The following SPOCK1 variants were observed in gnomAD, a reference collection of about 807,000 sequenced individuals.
SPOCK1 encodes testican-1.
In SPOCK1, 23 loss-of-function variants were observed where a neutral mutation model predicts 55.3. That is an observed-to-expected ratio of 0.42 (90% CI 0.30 to 0.59). The LOEUF (loss-of-function observed/expected upper bound fraction) is 0.59, where lower values mean the gene tolerates loss of function less well. SPOCK1 is among the 20% of genes least tolerant of loss of function. SPOCK1 has a pLI of 0.22. For missense variants in SPOCK1, 499 were observed against 552.5 expected, an observed-to-expected ratio of 0.90 and a Z score of 0.97; for synonymous variants, 226 against 221.0, an observed-to-expected ratio of 1.02 and a Z score of -0.20.
At chr5:137,291,371 G>A (rs545233598) in intron 2 of SPOCK1, among the ~76,000 whole-genome samples, 1 of 152,292 alleles carries the variant, frequency 6.6e-6, no homozygotes, top group African/African-American at 2.4e-5. Flanking sequence ...AAAAACGTGA[G>A]GCTCAAAAGA....
At chr5:137,115,364 G>A (rs1027697632) in intron 4 of SPOCK1, among the ~76,000 whole-genome samples, 1 of 151,890 alleles carries the variant, frequency 6.6e-6, no homozygotes, top group Non-Finnish European at 1.5e-5. Flanking sequence ...CGAGAAATAT[G>A]GCAAAGTTAC....
At chr5:137,278,053 T>C (rs1757103279) in intron 2 of SPOCK1, among the ~76,000 whole-genome samples, 1 of 152,236 alleles carries the variant, frequency 6.6e-6, no homozygotes, top group Non-Finnish European at 1.5e-5. Context: ...AAACTATGGC[T>C]GCAGGCTTGG....
chr5:137,440,800 G>T (rs972016791), intron 2 of SPOCK1, among the ~76,000 whole-genome samples: 5 of 152,096 alleles, frequency 3.3e-5, no homozygotes, highest in Admixed American at 2.0e-4. Context: ...TGCTTCAAAA[G>T]CAAGTTCCAG....
At chr5:137,033,258 C>G (rs903642784) in intron 6 of SPOCK1, among the ~76,000 whole-genome samples, 1 of 152,186 alleles carries the variant, frequency 6.6e-6, no homozygotes, top group Non-Finnish European at 1.5e-5. Context: ...AGCATGGAAG[C>G]CTGGATGCTA....
chr5:137,146,310 C>T (rs1754191644), intron 3 of SPOCK1, among the ~76,000 whole-genome samples: 1 of 152,152 alleles, frequency 6.6e-6, no homozygotes, highest in East Asian at 1.9e-4. Flanking sequence ...CTGTTGAGAC[C>T]AGTAAGCAAA....
At chr5:137,062,457 G>GA (rs1328004365) in intron 6 of SPOCK1, among the ~76,000 whole-genome samples, 5 of 151,622 alleles carry the variant, frequency 3.3e-5, no homozygotes, top group Admixed American at 6.6e-5. Flanking sequence ...TGGGCTAGCT[G>GA]AAAAATCTAC....
chr5:137,436,016 GT>G (rs35804059), intron 2 of SPOCK1, among the ~76,000 whole-genome samples: 140,168 of 152,116 alleles, frequency 0.92, 65,305 homozygotes, highest in East Asian at 1. Flanking sequence ...TTAGCCGAGT[GT>G]TGGTGGCACA....
At chr5:136,980,664 C>A (rs1750710176) in intron 9 of SPOCK1, among the ~76,000 whole-genome samples, 1 of 152,284 alleles carries the variant, frequency 6.6e-6, no homozygotes, top group Non-Finnish European at 1.5e-5. Flanking sequence ...ACTGTGAGTC[C>A]ATTAAACCTC....
intron 2 of SPOCK1, among the ~76,000 whole-genome samples, chr5:137,372,481 A>G (rs1249581108): frequency 1.3e-5 from 2 of 152,220 alleles, no homozygotes; most frequent in African/African-American, 4.8e-5. Context: ...AGGCACCATC[A>G]CTAAAACTTG....
chr5:137,425,410 T>C (rs1722813013), intron 2 of SPOCK1, among the ~76,000 whole-genome samples: 1 of 151,846 alleles, frequency 6.6e-6, no homozygotes, highest in African/African-American at 2.4e-5. Context: ...CTCCACAACC[T>C]GCCCTCCAAA....
At chr5:137,398,021 T>G (rs74554368) in intron 2 of SPOCK1, among the ~76,000 whole-genome samples, 1,750 of 151,826 alleles carry the variant, frequency 0.012, 22 homozygotes, top group African/African-American at 0.04. Context: ...GATGGTAGGG[T>G]CAATCCTCGG....
rs142348880 is a variant in SPOCK1, at chr5:137,287,073, C to A, written c.187-20018G>T. Among the ~76,000 whole-genome samples, 45 of 152,250 alleles carry A rather than the reference C, an allele frequency of 3.0e-4. No homozygotes were observed. In the East Asian group the frequency reaches 7.7e-3, roughly 26 times the overall value. On this transcript the variant is annotated intron_variant, in intron 2 of 10. Coordinates refer to ENST00000394945, the MANE Select transcript of SPOCK1 (RefSeq NM_004598.4). ...TAACCTGGAAGAAAAATAGGTGGCACCCAGGGTCACACTGCTTTTCAGTTG... is the reference window on the plus strand; with the variant it reads ...TAACCTGGAAGAAAAATAGGTGGCAACCAGGGTCACACTGCTTTTCAGTTG...
chr5:137,003,513 T>C (rs1372264525), intron 6 of SPOCK1, among the ~76,000 whole-genome samples: 1 of 152,208 alleles, frequency 6.6e-6, no homozygotes, highest in Admixed American at 6.5e-5. Flanking sequence ...AGGGATGACT[T>C]CTGACAAAGG....
At chr5:137,364,210 A>G (rs760645559) in intron 2 of SPOCK1, among the ~76,000 whole-genome samples, 1 of 152,188 alleles carries the variant, frequency 6.6e-6, no homozygotes, top group Non-Finnish European at 1.5e-5. Flanking sequence ...GAGGTTAAAT[A>G]CCGAGATTTG....
intron 5 of SPOCK1, among the ~76,000 whole-genome samples, chr5:137,107,845 C>A (rs751307486): frequency 1.3e-5 from 2 of 152,130 alleles, no homozygotes; most frequent in Non-Finnish European, 2.9e-5. Context: ...GCCATGGAAC[C>A]CATCTTGAAG....
At chr5:137,173,899 T>C (rs1487442654) in intron 3 of SPOCK1, among the ~76,000 whole-genome samples, 1 of 152,198 alleles carries the variant, frequency 6.6e-6, no homozygotes, top group African/African-American at 2.4e-5. Flanking sequence ...CTTGTTATCA[T>C]TTAATCCTTG....
At chr5:137,068,583 G>A (rs1205786292) in intron 5 of SPOCK1, among the ~76,000 whole-genome samples, 1 of 152,164 alleles carries the variant, frequency 6.6e-6, no homozygotes, top group South Asian at 2.1e-4. Context: ...CAGAACACAG[G>A]CAGGAGAGAG....
intron 6 of SPOCK1, among the ~76,000 whole-genome samples, chr5:137,022,451 T>C (rs1210450770): frequency 1.3e-5 from 2 of 152,068 alleles, no homozygotes; most frequent in Admixed American, 6.5e-5. Context: ...GATCAGTAAT[T>C]TGTTATTATC....
intron 5 of SPOCK1, among the ~76,000 whole-genome samples, chr5:137,092,062 C>T (rs1357618648): frequency 1.3e-5 from 2 of 152,172 alleles, no homozygotes; most frequent in Admixed American, 1.3e-4. Context: ...TACCCCCATA[C>T]TCCCTGCCAC....
Sources: gnomAD v4.1 joint callset for allele counts (sites outside exome capture counted in the v4.1 genomes callset) on GRCh38, gnomAD v4.1.1 for gene constraint, MANE v1.5 for transcripts, NCBI Gene and HGNC (gene_info 2026-07-23, HGNC 2026-07-21) for gene names.